The following GNAQ variants were observed in gnomAD, a reference collection of about 807,000 sequenced individuals.
GNAQ encodes the protein G protein subunit alpha q, also known as guanine nucleotide-binding protein G(q) subunit alpha.
In GNAQ, 8 loss-of-function variants were observed where a neutral mutation model predicts 43.9. The observed-to-expected ratio is 0.18, with a 90% CI of 0.11 to 0.33. GNAQ has a LOEUF of 0.33. Among genes scored for constraint, GNAQ ranks in the 10% least tolerant of loss-of-function variants. The pLI, the probability that GNAQ is intolerant of heterozygous loss-of-function variation, is 1.00. For synonymous variants in GNAQ, 155 were observed against 170.7 expected, an observed-to-expected ratio of 0.91 and a Z score of 0.71; for missense variants, 158 against 450.8, an observed-to-expected ratio of 0.35 and a Z score of 5.88.
At chr9:77,794,051 T>C (rs2118440860) in intron 5 of GNAQ, among the ~76,000 whole-genome samples, 1 of 152,052 alleles carries the variant, frequency 6.6e-6, no homozygotes, top group East Asian at 1.9e-4. Flanking sequence ...AAGAGAGATT[T>C]TGAGTACTCT....
intron 5 of GNAQ, among the ~76,000 whole-genome samples, chr9:77,761,725 G>T (rs1826029896): frequency 1.3e-5 from 1 of 75,196 alleles, no homozygotes; most frequent in African/African-American, 6.1e-5. Context: ...GGGAGGTGGG[G>T]GGGTCAGCCC....
At chr9:77,924,098 T>C (rs1462629219) in intron 1 of GNAQ, among the ~76,000 whole-genome samples, 1 of 152,198 alleles carries the variant, frequency 6.6e-6, no homozygotes, top group African/African-American at 2.4e-5. Context: ...CTATTACTTT[T>C]AGTAAAGTGA....
chr9:77,904,556 T>A (rs1828672690), intron 2 of GNAQ, among the ~76,000 whole-genome samples: 1 of 151,956 alleles, frequency 6.6e-6, no homozygotes, highest in Non-Finnish European at 1.5e-5. Flanking sequence ...ATGGTCTCGA[T>A]CTCCTGACCT....
At chr9:77,803,826 G>A (rs1416861274) in intron 3 of GNAQ, among the ~76,000 whole-genome samples, 1 of 152,186 alleles carries the variant, frequency 6.6e-6, no homozygotes, top group African/African-American at 2.4e-5. Flanking sequence ...CTTCTGTGTA[G>A]TATGGCTGCA....
chr9:77,811,258 C>T (rs899692419), intron 3 of GNAQ, among the ~76,000 whole-genome samples: 6 of 150,748 alleles, frequency 4.0e-5, no homozygotes, highest in African/African-American at 1.2e-4. Context: ...AAATTAGGTC[C>T]AGAATAACAA....
intron 1 of GNAQ, among the ~76,000 whole-genome samples, chr9:77,976,922 T>C (rs1823309944): frequency 6.6e-6 from 1 of 152,160 alleles, no homozygotes; most frequent in South Asian, 2.1e-4. Context: ...GTGTCACTCA[T>C]TTAAAACCAC....
At chr9:78,019,490 T>G (rs1453592392) in intron 1 of GNAQ, among the ~76,000 whole-genome samples, 2 of 152,248 alleles carry the variant, frequency 1.3e-5, no homozygotes, top group African/African-American at 4.8e-5. Flanking sequence ...ATGTAATTGA[T>G]AAATAAAAAT....
intron 1 of GNAQ, among the ~76,000 whole-genome samples, chr9:77,943,745 C>G (rs996037573): frequency 2.0e-5 from 3 of 148,754 alleles, no homozygotes; most frequent in African/African-American, 7.5e-5. Context: ...CTCACTGCAA[C>G]CTCTGCCTCC....
At chr9:77,931,245 G>A (rs549105007) in intron 1 of GNAQ, among the ~76,000 whole-genome samples, 28 of 150,990 alleles carry the variant, frequency 1.9e-4, no homozygotes, top group Non-Finnish European at 3.5e-4. Context: ...TACACAACCA[G>A]CAGGTCCGCA....
chr9:77,726,054 T>G (rs1026828018), intron 6 of GNAQ, among the ~76,000 whole-genome samples: 2 of 152,168 alleles, frequency 1.3e-5, no homozygotes, highest in African/African-American at 2.4e-5. Context: ...TGTTTAGATC[T>G]AAGCCAGATG....
At chr9:77,850,724 C>A (rs1827661725) in intron 2 of GNAQ, among the ~76,000 whole-genome samples, 1 of 152,190 alleles carries the variant, frequency 6.6e-6, no homozygotes, top group East Asian at 1.9e-4. Flanking sequence ...CAGATGTCCA[C>A]ACTTTCTCTC....
chr9:77,855,583 T>A (rs1313562265), intron 2 of GNAQ, among the ~76,000 whole-genome samples: 2 of 152,146 alleles, frequency 1.3e-5, no homozygotes, highest in Admixed American at 1.3e-4. Context: ...ATGTCTATGA[T>A]GGAATAAAAA....
intron 5 of GNAQ, among the ~76,000 whole-genome samples, chr9:77,781,656 T>C (rs1433771175): frequency 1.3e-5 from 2 of 152,206 alleles, no homozygotes; most frequent in Admixed American, 6.5e-5. Flanking sequence ...AAAATAATTA[T>C]ACACCACAGC....
chr9:78,011,211 T>G (rs1823768826), intron 1 of GNAQ, among the ~76,000 whole-genome samples: 2 of 152,192 alleles, frequency 1.3e-5, no homozygotes. Context: ...GAGCACTCCC[T>G]ACCACTCTAC....
chr9:77,941,907 TACACAC>T (rs10560776), intron 1 of GNAQ, among the ~76,000 whole-genome samples: 1,541 of 140,996 alleles, frequency 0.011, 9 homozygotes, highest in African/African-American at 0.017. Context: ...ACAACATACA[TACACAC>T]ACACACACAC....
intron 2 of GNAQ, among the ~76,000 whole-genome samples, chr9:77,858,264 C>T (rs989736011): frequency 6.6e-6 from 1 of 152,166 alleles, no homozygotes; most frequent in Non-Finnish European, 1.5e-5. Context: ...GATTCCAACG[C>T]AGAGACAGGA....
chr9:77,913,959 TG>T (rs1424729553), intron 2 of GNAQ, among the ~76,000 whole-genome samples: 1 of 152,350 alleles, frequency 6.6e-6, no homozygotes, highest in East Asian at 1.9e-4. Context: ...AGTCTTCCTT[TG>T]TTTCAGAACC....
rs1301299954 is a variant in GNAQ at position 77,721,158 on chromosome 9, A to G, written c.*165T>C. 3.8e-6 allele frequency: 2 copies of G among 532,720 alleles called. No homozygotes were observed. The highest frequency in any genetic ancestry group is 6.6e-6 in the Non-Finnish European group (2 of 302,074). 33.0% of individuals were successfully genotyped at this position (532,720 alleles called of 1,614,324 possible). ...TCTGTTTTTCCTCTGAATAGTTTAA[A>G]TAAAATCATAATATTTACTACAAAC... On this transcript the variant is annotated 3_prime_UTR_variant, in exon 7 of 7. Transcript: ENST00000286548.
intron 1 of GNAQ, among the ~76,000 whole-genome samples, chr9:77,953,718 T>C (rs1823009623): frequency 6.6e-6 from 1 of 152,210 alleles, no homozygotes; most frequent in African/African-American, 2.4e-5. Flanking sequence ...GTAATCCTCT[T>C]ATGGTATTTA....
Sources: allele counts gnomAD v4.1 joint callset (sites outside exome capture counted in the v4.1 genomes callset), GRCh38; gene constraint gnomAD v4.1.1; transcripts MANE v1.5; gene names NCBI Gene and HGNC (gene_info 2026-07-23, HGNC 2026-07-21).